The following MCCC1 variants were observed in gnomAD, a reference collection of about 807,000 sequenced individuals.
MCCC1 encodes methylcrotonoyl-CoA carboxylase subunit alpha, mitochondrial.
In MCCC1, 64 loss-of-function variants were observed where a neutral mutation model predicts 83.8. That is an observed-to-expected ratio of 0.76 (90% confidence interval 0.62 to 0.94). The LOEUF is 0.94. Among genes scored for constraint, MCCC1 ranks in the 40% least tolerant of loss-of-function variants. MCCC1 has a pLI of 0.00. For synonymous variants in MCCC1, 322 were observed against 315.4 expected (o/e 1.02, Z -0.22); for missense variants, 807 against 904.7 (o/e 0.89, Z 1.39).
intron 7 of MCCC1, among the ~76,000 whole-genome samples, chr3:183,058,010 TG>T (rs1715550210): frequency 3.3e-5 from 5 of 152,148 alleles, no homozygotes; most frequent in African/African-American, 9.7e-5. Context: ...AATGAATGAA[TG>T]AATGAATAAA....
At chr3:183,104,095 C>G (rs1009761752), upstream of MCCC1, among the ~76,000 whole-genome samples, 54 of 152,304 alleles carry the variant, frequency 3.5e-4, no homozygotes, top group Middle Eastern at 3.4e-3. Context: ...CCGCAAGCGC[C>G]GCGCGCAGCC....
intron 3 of MCCC1, among the ~76,000 whole-genome samples, chr3:183,089,451 A>G (rs1233223725): frequency 6.6e-6 from 1 of 152,108 alleles, no homozygotes; most frequent in Non-Finnish European, 1.5e-5. Context: ...CATCTCTACA[A>G]AAAATTTTAA....
intron 1 of MCCC1, among the ~76,000 whole-genome samples, chr3:183,107,529 TATTA>T (rs1445732444): frequency 2.6e-5 from 4 of 151,522 alleles, no homozygotes; most frequent in Non-Finnish European, 4.4e-5. Context: ...TTATTATTAT[TATTA>T]TTTGTTGTTG....
chr3:183,092,607 G>T (rs1285062555), intron 2 of MCCC1, 62 bp from the exon 3 acceptor site: 2 of 1,603,770 alleles, frequency 1.2e-6, no homozygotes, highest in Non-Finnish European at 1.7e-6. Flanking sequence ...ATGAGAATGA[G>T]AATACGATCT....
chr3:183,098,932 T>G, intron 1 of MCCC1: 1 of 258,062 alleles, frequency 3.9e-6, no homozygotes, highest in Non-Finnish European at 7.7e-6. Flanking sequence ...CCGGCCCCAT[T>G]TCTTACTAGC....
At chr3:183,082,359 T>C (rs954609221) in intron 4 of MCCC1, among the ~76,000 whole-genome samples, 2 of 152,240 alleles carry the variant, frequency 1.3e-5, no homozygotes, top group Admixed American at 6.5e-5. Flanking sequence ...GGAGCACTTT[T>C]ATAAAACATT....
chr3:183,049,666 A>G (rs1295686753), intron 9 of MCCC1, among the ~76,000 whole-genome samples: 1 of 152,180 alleles, frequency 6.6e-6, no homozygotes, highest in Non-Finnish European at 1.5e-5. Flanking sequence ...ACAAATTGCT[A>G]GTAACGGAAC....
chr3:183,080,302 T>C (rs1368636053), intron 4 of MCCC1, among the ~76,000 whole-genome samples: 1 of 152,228 alleles, frequency 6.6e-6, no homozygotes, highest in Non-Finnish European at 1.5e-5. Context: ...AAGTCGTCTC[T>C]TGAATGCTTT....
chr3:183,111,541 C>T (rs1719492161), intron 1 of MCCC1, among the ~76,000 whole-genome samples: 1 of 152,222 alleles, frequency 6.6e-6, no homozygotes, highest in Non-Finnish European at 1.5e-5. Context: ...CTCAGGTGAT[C>T]TGCCCGCCTT....
At chr3:183,089,212 TAAG>T (rs796344871) in intron 3 of MCCC1, among the ~76,000 whole-genome samples, 3 of 152,322 alleles carry the variant, frequency 2.0e-5, no homozygotes, top group African/African-American at 4.8e-5. Context: ...TTAAAGCATT[TAAG>T]AAGAGGAGTA....
At chr3:183,058,806 GTTCAC>G (rs1347476250) in intron 7 of MCCC1, among the ~76,000 whole-genome samples, 3 of 152,136 alleles carry the variant, frequency 2.0e-5, no homozygotes, top group Admixed American at 6.5e-5. Context: ...TCACACTGTA[GTTCAC>G]TTCACCTATT....
chr3:183,106,494 C>T (rs2108584388), intron 1 of MCCC1, among the ~76,000 whole-genome samples: 1 of 150,968 alleles, frequency 6.6e-6, no homozygotes, highest in Non-Finnish European at 1.5e-5. Flanking sequence ...TTCTTTCTTT[C>T]TTTCTTTCTT....
At position 183,086,546 on chromosome 3, in the gene MCCC1, G is replaced by A. The variant is rs1397068056; in HGVS notation, c.369+147C>T. 9.6e-6 allele frequency: 7 copies of A among 728,976 alleles called. No individual in the cohort carries two copies. In the Admixed American group the frequency reaches 1.1e-4, roughly 11 times the overall value. The allele number at this position is 728,976 out of a possible 1,614,324, so 45.2% of individuals were successfully genotyped here. A position where few individuals can be genotyped will look rare whatever the true frequency, so the allele number is the denominator to read the frequency against. On this transcript the variant is annotated intron_variant, in intron 4 of 18. Transcript: ENST00000265594. The stretch of plus-strand genomic sequence containing the variant: ...AGGCAGACTGGCTGAGAAATGAGAT[G>A]GGACATGCCTAGTTTACAATGATAA...
intron 5 of MCCC1, among the ~76,000 whole-genome samples, chr3:183,072,038 T>A (rs899571349): frequency 1.3e-5 from 2 of 151,938 alleles, no homozygotes; most frequent in African/African-American, 4.8e-5. Context: ...CTGGAATTTT[T>A]AAAAAATTTT....
At chr3:183,058,580 G>C (rs977996164) in intron 7 of MCCC1, among the ~76,000 whole-genome samples, 4 of 152,148 alleles carry the variant, frequency 2.6e-5, no homozygotes, top group Non-Finnish European at 5.9e-5. Flanking sequence ...AGTGAGCTAC[G>C]ATTGCGCCAC....
intron 13 of MCCC1, among the ~76,000 whole-genome samples, chr3:183,036,827 C>T (rs1360795849): frequency 6.6e-6 from 1 of 152,060 alleles, no homozygotes; most frequent in African/African-American, 2.4e-5. Flanking sequence ...GCACGTGCCA[C>T]CACGCCCAGC....
At chr3:183,049,621 G>A (rs1036252854) in intron 9 of MCCC1, among the ~76,000 whole-genome samples, 1 of 150,786 alleles carries the variant, frequency 6.6e-6, no homozygotes, top group Non-Finnish European at 1.5e-5. Context: ...ATAACCTTTA[G>A]CCAGGTTAAC....
At chr3:183,049,432 G>T (rs555414557) in intron 9 of MCCC1, among the ~76,000 whole-genome samples, 1 of 152,048 alleles carries the variant, frequency 6.6e-6, no homozygotes, top group East Asian at 1.9e-4. Flanking sequence ...TTAGCTGGGT[G>T]TAGTGGCGTG....
intron 16 of MCCC1, among the ~76,000 whole-genome samples, chr3:183,021,372 C>T (rs906287377): frequency 5.3e-4 from 80 of 152,264 alleles, no homozygotes; most frequent in African/African-American, 1.8e-3. Flanking sequence ...TACAGGCACA[C>T]ACCACCATGC....
Sources: gnomAD v4.1 joint callset for allele counts (sites outside exome capture counted in the v4.1 genomes callset) on GRCh38, gnomAD v4.1.1 for gene constraint, MANE v1.5 for transcripts, NCBI Gene and HGNC (gene_info 2026-07-23, HGNC 2026-07-21) for gene names.